Variants in ZFP30 observed in about 807,000 individuals in gnomAD.
ZFP30 encodes the protein ZFP30 zinc finger protein, also known as zinc finger protein 30 homolog.
ZFP30 carries 16 observed loss-of-function variants against 12.3 expected under a neutral mutation model. The observed-to-expected ratio is 1.30, with a 90% CI of 0.88 to 1.98. The LOEUF (loss-of-function observed/expected upper bound fraction) is 1.98. ZFP30 is among the 30% of genes most tolerant of loss of function. ZFP30 has a pLI of 0.00. For synonymous variants in ZFP30, 172 were observed against 201.0 expected (o/e 0.86, Z 1.22); for missense variants, 560 against 611.2 (o/e 0.92, Z 0.88).
intron 5 of ZFP30, among the ~76,000 whole-genome samples, chr19:37,641,207 G>A (rs892422913): frequency 1.3e-5 from 2 of 152,096 alleles, no homozygotes; most frequent in Non-Finnish European, 2.9e-5. Flanking sequence ...ACTGAAGGTC[G>A]CTGCCTACAA....
At position 37,634,800 on chromosome 19, in the gene ZFP30, G is replaced by A; in HGVS notation, c.*181C>T. On this transcript the variant is annotated 3_prime_UTR_variant, in exon 6 of 6. Transcript: ENST00000684514. ...GGATGAATTTCCTAAAGTTTAACATGGTTTCAAAGGTGATGAAAGGCTTCT... is the reference window on the plus strand; with the variant it reads ...GGATGAATTTCCTAAAGTTTAACATAGTTTCAAAGGTGATGAAAGGCTTCT... 1.6e-6 allele frequency: 1 copy of A among 606,822 alleles called. No homozygotes were observed. Among genetic ancestry groups the A allele is most frequent in the Non-Finnish European group, 2.5e-6 (1 of 399,234 alleles). The allele number at this position is 606,822 out of a possible 1,614,324, so 37.6% of individuals were successfully genotyped here. A position where few individuals can be genotyped will look rare whatever the true frequency, so the allele number is the denominator to read the frequency against.
At chr19:37,645,213 A>C (rs78515450) in intron 3 of ZFP30, among the ~76,000 whole-genome samples, 1 of 142,878 alleles carries the variant, frequency 7.0e-6, no homozygotes, top group Non-Finnish European at 1.5e-5. Context: ...ACTCCGTCTC[A>C]AAAAAAAAAA....
Position 37,633,767 on chromosome 19 carries a change from AC to A in ZFP30, c.*1213del. The stretch of plus-strand genomic sequence containing the variant: ...ACAAAAGTAGAATAGCAAAAACAAA[AC>A]AAATAAAAACCATGTATCCAAGACT... On this transcript the variant is annotated 3_prime_UTR_variant, in exon 6 of 6. Transcript: ENST00000684514. 6.6e-6 allele frequency: 1 copy of A among 152,218 alleles called. No homozygotes were observed. Among genetic ancestry groups the A allele is most frequent in the South Asian group, 2.1e-4 (1 of 4,828 alleles). The allele number at this position is 152,218 out of a possible 1,614,324, so 9.4% of individuals were successfully genotyped here.
chr19:37,647,188 C>T (rs989247844), intron 3 of ZFP30, among the ~76,000 whole-genome samples: 4 of 152,166 alleles, frequency 2.6e-5, no homozygotes, highest in African/African-American at 9.7e-5. Context: ...AACTTCATTT[C>T]TGCCCCATCT....
At position 37,633,567 on chromosome 19, in the gene ZFP30, T is replaced by A. The variant is rs2044269064; in HGVS notation, c.*1414A>T. On this transcript the variant is annotated 3_prime_UTR_variant, in exon 6 of 6. Coordinates refer to ENST00000684514, the MANE Select transcript of ZFP30 (RefSeq NM_001320669.3). ...TGAGGTTTCACCATGATGGTCAGGCTGGTCTCGAACTCCTGACCTCATGAT... is the reference window on the plus strand; with the variant it reads ...TGAGGTTTCACCATGATGGTCAGGCAGGTCTCGAACTCCTGACCTCATGAT... The A allele has an allele frequency of 6.6e-6, 1 of 152,126 alleles. No homozygotes were observed. Among genetic ancestry groups the A allele is most frequent in the South Asian group, 2.1e-4 (1 of 4,818 alleles). 9.4% of individuals were successfully genotyped at this position (152,126 alleles called of 1,614,324 possible).
intron 5 of ZFP30, among the ~76,000 whole-genome samples, chr19:37,636,883 G>A (rs1433759346): frequency 1.3e-5 from 2 of 152,012 alleles, no homozygotes; most frequent in Non-Finnish European, 2.9e-5. Flanking sequence ...GCTAACTTTT[G>A]TATTTTTAGT....
chr19:37,644,577 C>T, intron 4 of ZFP30, 33 bp downstream of exon 4: 1 of 1,534,866 alleles, frequency 6.5e-7, no homozygotes, highest in Non-Finnish European at 8.7e-7. Flanking sequence ...CTGTGAATGT[C>T]TAAATTATCT....
chr19:37,635,684 G>T lies in ZFP30; in HGVS notation c.857C>A (p.Thr286Asn). The T allele has an allele frequency of 6.2e-7, 1 of 1,614,108 alleles. No homozygotes were observed. The highest frequency in any genetic ancestry group is 8.5e-7 in the Non-Finnish European group (1 of 1,180,014). The change falls in exon 6 of 6, where the codon ACT becomes AAT. Residue 286 changes from threonine to asparagine, a missense_variant. Coordinates refer to ENST00000684514, the MANE Select transcript of ZFP30 (RefSeq NM_001320669.3). ...AGCAATGTTCAGTCTCTGATGTCGA[G>T]TAAGGTGTGCATACTGCCTAAAGGC... ...GKAFRQYAHL[T>N]RHQRLNIAEK...
At position 37,635,877 on chromosome 19, in the gene ZFP30, T is replaced by C. The variant is rs770572426; in HGVS notation, c.664A>G (p.Ile222Val). ...CGAAGGTCTGAGCCACATGTGAAGA[T>C]CTTTCCACATTTTTTACATTCATAG... is the stretch of plus-strand genomic sequence containing the variant. ...KLYECKKCGK[I>V]FTCGSDLRVH... Residue 222 changes from isoleucine to valine, a missense_variant, in exon 6 of 6, where the codon ATC becomes GTC. Physicochemically the swap from Ile to Val is conservative, Grantham distance 29. Coordinates refer to ENST00000684514, the MANE Select transcript of ZFP30 (RefSeq NM_001320669.3). The C allele has an allele frequency of 6.2e-7, 1 of 1,614,172 alleles. No individual in the cohort carries two copies. The highest frequency in any genetic ancestry group is 8.5e-7 in the Non-Finnish European group (1 of 1,180,022).
chr19:37,633,832 C>G lies in ZFP30; in HGVS notation c.*1149G>C, dbSNP rs1053278093. On this transcript the variant is annotated 3_prime_UTR_variant, in exon 6 of 6. Coordinates refer to ENST00000684514, the MANE Select transcript of ZFP30 (RefSeq NM_001320669.3). ...TTTTGCCAAACTTGTTATTCATCCTCATTTTTCTTTTGTATGAACAAAAGG... is the reference window on the plus strand; with the variant it reads ...TTTTGCCAAACTTGTTATTCATCCTGATTTTTCTTTTGTATGAACAAAAGG... 1 of 152,104 alleles carries G rather than the reference C, an allele frequency of 6.6e-6. No homozygotes were observed. The highest frequency in any genetic ancestry group is 1.5e-5 in the Non-Finnish European group (1 of 68,002). The allele number at this position is 152,104 out of a possible 1,614,324, so 9.4% of individuals were successfully genotyped here.
intron 5 of ZFP30, among the ~76,000 whole-genome samples, chr19:37,640,433 T>C (rs1252249647): frequency 6.7e-6 from 1 of 149,542 alleles, no homozygotes; most frequent in African/African-American, 2.4e-5. Context: ...TAATTTAATA[T>C]TAACTAATAA....
chr19:37,637,456 C>T (rs924106609), intron 5 of ZFP30, among the ~76,000 whole-genome samples: 39 of 151,576 alleles, frequency 2.6e-4, no homozygotes, highest in African/African-American at 8.7e-4. Context: ...CCCAAAGTGT[C>T]AGAATTACAG....
Position 37,644,451 on chromosome 19 carries a change from T to C in ZFP30, c.136+159A>G, listed in dbSNP as rs563108958. On this transcript the variant is annotated intron_variant, in intron 4 of 5. Transcript: ENST00000684514. ...CGGGAGGCTGAGGCAGTAGAATCGCTTGAACCCAGGAGGTAGAGGTTGCAG... is the reference window on the plus strand; with the variant it reads ...CGGGAGGCTGAGGCAGTAGAATCGCCTGAACCCAGGAGGTAGAGGTTGCAG... 1.2e-4 allele frequency: 80 copies of C among 643,832 alleles called. 1 individual carries two copies. In the African/African-American group the frequency reaches 1.5e-3, roughly 12 times the overall value. The allele number at this position is 643,832 out of a possible 1,614,324, so 39.9% of individuals were successfully genotyped here. A position where few individuals can be genotyped will look rare whatever the true frequency, so the allele number is the denominator to read the frequency against.
chr19:37,648,477 T>C (rs983789990), intron 2 of ZFP30, among the ~76,000 whole-genome samples: 1 of 150,092 alleles, frequency 6.7e-6, no homozygotes, highest in East Asian at 1.9e-4. Context: ...GGATTTAGGA[T>C]TTTTTTTTTA....
intron 2 of ZFP30, among the ~76,000 whole-genome samples, chr19:37,651,254 G>T (rs948293571): frequency 6.6e-6 from 1 of 151,892 alleles, no homozygotes; most frequent in Admixed American, 6.6e-5. Flanking sequence ...CCCGAATCAT[G>T]TAATTGAAGG....
chr19:37,648,334 A>G (rs2044582061), intron 2 of ZFP30, among the ~76,000 whole-genome samples: 1 of 152,218 alleles, frequency 6.6e-6, no homozygotes, highest in South Asian at 2.1e-4. Context: ...GGCCTCCCCA[A>G]ACATGAAGAC....
intron 5 of ZFP30, among the ~76,000 whole-genome samples, chr19:37,638,299 C>T (rs531687140): frequency 1.3e-5 from 2 of 152,244 alleles, no homozygotes; most frequent in East Asian, 3.9e-4. Context: ...ACAGGTTCCC[C>T]GTATCTTCCT....
intron 4 of ZFP30, 63 bp from the exon 5 acceptor site, chr19:37,643,426 A>G (rs984568753): frequency 1.6e-6 from 2 of 1,236,798 alleles, no homozygotes; most frequent in Non-Finnish European, 2.1e-6. Flanking sequence ...AAAGAAGACT[A>G]TCAGGATTGA....
chr19:37,647,179 A>T (rs112643201), intron 3 of ZFP30, among the ~76,000 whole-genome samples: 2 of 152,162 alleles, frequency 1.3e-5, no homozygotes, highest in African/African-American at 4.8e-5. Flanking sequence ...ACTTCTAGGA[A>T]CTTCATTTCT....
Sources: gnomAD v4.1 joint callset for allele counts (sites outside exome capture counted in the v4.1 genomes callset) on GRCh38, gnomAD v4.1.1 for gene constraint, MANE v1.5 for transcripts, NCBI Gene and HGNC (gene_info 2026-07-23, HGNC 2026-07-21) for gene names.